The following SLC20A2 variants were observed in gnomAD, a reference collection of about 807,000 sequenced individuals.
SLC20A2 encodes the protein sodium-dependent phosphate transporter 2.
In SLC20A2, 30 loss-of-function variants were observed where a neutral mutation model predicts 61.0. The ratio of observed to expected loss-of-function variants is 0.49; its 90% CI spans 0.37 to 0.67. SLC20A2 has a LOEUF of 0.67. Among genes scored for constraint, SLC20A2 ranks in the 30% least tolerant of loss-of-function variants. The pLI, the probability that SLC20A2 is intolerant of heterozygous loss-of-function variation, is 0.00. For synonymous variants in SLC20A2, 351 were observed against 353.3 expected (o/e 0.99, Z 0.07); for missense variants, 626 against 866.4 (o/e 0.72, Z 3.48).
chr8:42,508,699 G>A (rs1420535658), intron 1 of SLC20A2, among the ~76,000 whole-genome samples: 1 of 152,112 alleles, frequency 6.6e-6, no homozygotes, highest in Admixed American at 6.6e-5. Context: ...CCTGGGAGTG[G>A]CATTTGAATG....
At chr8:42,426,343 C>A (rs898480100) in intron 10 of SLC20A2, among the ~76,000 whole-genome samples, 2 of 152,198 alleles carry the variant, frequency 1.3e-5, no homozygotes, top group African/African-American at 4.8e-5. Flanking sequence ...GATTAGACTG[C>A]TCATACAGTT....
intron 1 of SLC20A2, among the ~76,000 whole-genome samples, chr8:42,519,824 G>C (rs1421091258): frequency 2.0e-5 from 3 of 151,990 alleles, no homozygotes; most frequent in African/African-American, 7.3e-5. Flanking sequence ...AAGAATATTT[G>C]TAGCCTCACT....
At position 42,476,084 on chromosome 8, in the gene SLC20A2, C is replaced by CTTTT. The variant is rs11350697; in HGVS notation, c.-264-3434_-264-3431dup. On this transcript the variant is annotated intron_variant, in intron 1 of 10. Transcript: ENST00000520262. ...GGTGAAGTAGCCGGGTTTACTGTGT[C>CTTTT]TTTTTTTTTTTTTTTTTTTTTTTTT... is the stretch of plus-strand genomic sequence containing the variant. Among the ~76,000 whole-genome samples, 13 of 42,096 alleles carry CTTTT rather than the reference C, an allele frequency of 3.1e-4. 1 individual carries two copies. Among genetic ancestry groups the CTTTT allele is most frequent in the Admixed American group, 4.3e-4 (1 of 2,348 alleles). 27.6% of individuals were successfully genotyped at this position (42,096 alleles called of 152,430 possible).
rs1265706203 is a variant in SLC20A2, at chr8:42,472,622, C to T, written c.-232G>A. 2 of 473,926 alleles carry T rather than the reference C, an allele frequency of 4.2e-6. No homozygotes were observed. The highest frequency in any genetic ancestry group is 7.6e-6 in the Non-Finnish European group (2 of 264,736). 29.4% of individuals were successfully genotyped at this position (473,926 alleles called of 1,614,324 possible). ...GCGGTAAAACACATTCCATATTTTT[C>T]CTCCCGATCTGGGAAAGCTGTGATG... On this transcript the variant is annotated 5_prime_UTR_variant, in exon 2 of 11. Coordinates refer to ENST00000520262, the MANE Select transcript of SLC20A2 (RefSeq NM_001257180.2). The surrounding 1 kb of genome is among the most constrained non-coding windows in gnomAD (Gnocchi z 4.1).
upstream of SLC20A2, among the ~76,000 whole-genome samples, chr8:42,503,010 A>C (rs1810416856): frequency 6.6e-6 from 1 of 152,216 alleles, no homozygotes; most frequent in Non-Finnish European, 1.5e-5. Flanking sequence ...ATTGGAAAGG[A>C]GCAATCTGAT....
Position 42,527,063 on chromosome 8 carries a change from C to G in SLC20A2, c.-265+14758G>C, listed in dbSNP as rs1160099554. ...AGGCTGCAGTGAGCTGAGTTCGTACCACTGCACTCCAGCCTGAGTAACAGA... is the reference window on the plus strand; with the variant it reads ...AGGCTGCAGTGAGCTGAGTTCGTACGACTGCACTCCAGCCTGAGTAACAGA... On this transcript the variant is annotated intron_variant, in intron 1 of 10. Transcript: ENST00000342228. 2.9e-4 allele frequency among the ~76,000 whole-genome samples: 44 copies of G among 150,490 alleles called. No individual in the cohort carries two copies. The Admixed American group carries it at 2.9e-3, about 10-fold the overall frequency.
Position 42,474,806 on chromosome 8 carries a change from C to A in SLC20A2, c.-264-2152G>T, listed in dbSNP as rs568858907. On this transcript the variant is annotated intron_variant, in intron 1 of 10. Transcript: ENST00000520262. The stretch of plus-strand genomic sequence containing the variant: ...AATGTCTATAAACTGGTGACAAGAA[C>A]TATGCAGGCAGGAGACGGTGCCACA... Among the ~76,000 whole-genome samples the A allele has an allele frequency of 1.1e-3, 162 of 152,122 alleles. 1 individual carries two copies. The highest frequency in any genetic ancestry group is 7.9e-3 in the South Asian group (38 of 4,822).
intron 1 of SLC20A2, among the ~76,000 whole-genome samples, chr8:42,534,230 G>A (rs1018160995): frequency 9.9e-5 from 15 of 152,052 alleles, no homozygotes; most frequent in Admixed American, 7.9e-4. Flanking sequence ...AGTTAGCCGC[G>A]ATCGCATCAT....
intron 1 of SLC20A2, among the ~76,000 whole-genome samples, chr8:42,491,991 C>T (rs897661077): frequency 6.6e-6 from 1 of 152,176 alleles, no homozygotes; most frequent in Non-Finnish European, 1.5e-5. Context: ...GGGAACAGTA[C>T]TCTATTCATT....
At chr8:42,423,849 T>C (rs909087042) in intron 10 of SLC20A2, among the ~76,000 whole-genome samples, 1 of 152,238 alleles carries the variant, frequency 6.6e-6, no homozygotes, top group Non-Finnish European at 1.5e-5. Context: ...TTTTAATAAA[T>C]CGAGTGTGTT....
At chr8:42,540,153 G>A (rs1314437013) in intron 1 of SLC20A2, among the ~76,000 whole-genome samples, 2 of 152,148 alleles carry the variant, frequency 1.3e-5, no homozygotes, top group Admixed American at 6.5e-5. Context: ...TTAGCTGGGC[G>A]TGGTGGCGGG....
chr8:42,454,441 G>A (rs772003016), intron 5 of SLC20A2, among the ~76,000 whole-genome samples: 2 of 152,190 alleles, frequency 1.3e-5, no homozygotes, highest in East Asian at 1.9e-4. Context: ...AGTGTCCCTC[G>A]AACGGAGATG....
At chr8:42,486,897 C>T (rs140476732) in intron 1 of SLC20A2, among the ~76,000 whole-genome samples, 2,098 of 151,950 alleles carry the variant, frequency 0.014, 47 homozygotes, top group African/African-American at 0.044. Context: ...GACAGAGTCT[C>T]GCTCTGTTGC....
In SLC20A2 at chr8:42,463,109, A is replaced by C. The variant is rs779858691; in HGVS notation, c.431-19T>G. The C allele has an allele frequency of 7.1e-7, 1 of 1,403,534 alleles. No homozygotes were observed. The highest frequency in any genetic ancestry group is 2.1e-5 in the Admixed American group (1 of 47,426). The allele number at this position is 1,403,534 out of a possible 1,614,324, so 86.9% of individuals were successfully genotyped here. A position where few individuals can be genotyped will look rare whatever the true frequency, so the allele number is the denominator to read the frequency against. On this transcript the variant is annotated intron_variant, in intron 3 of 10. Transcript: ENST00000520262. ...GAAGCAACTGAATAATTAAAAAAAAAATCTAATGAATGTTAAAATTCATTC... is the reference window on the plus strand; with the variant it reads ...GAAGCAACTGAATAATTAAAAAAAACATCTAATGAATGTTAAAATTCATTC...
chr8:42,502,926 A>G (rs1810410571), upstream of SLC20A2, among the ~76,000 whole-genome samples: 2 of 152,256 alleles, frequency 1.3e-5, no homozygotes, highest in African/African-American at 4.8e-5. Context: ...TCTAAGCCAA[A>G]ATATTATTTC....
chr8:42,422,673 G>A (rs1487680773), intron 10 of SLC20A2, among the ~76,000 whole-genome samples: 1 of 151,990 alleles, frequency 6.6e-6, no homozygotes, highest in Non-Finnish European at 1.5e-5. Context: ...ATTATTTTTG[G>A]AGAACTCCCT....
chr8:42,430,357 T>C (rs376477774), intron 8 of SLC20A2, 108 bp from the exon 9 acceptor site: 6 of 939,872 alleles, frequency 6.4e-6, no homozygotes, highest in South Asian at 1.8e-5. Context: ...TCCACAGATA[T>C]GATGTTTTTC....
chr8:42,422,054 T>C (rs999209008), intron 10 of SLC20A2, among the ~76,000 whole-genome samples: 1 of 152,034 alleles, frequency 6.6e-6, no homozygotes, highest in Non-Finnish European at 1.5e-5. Context: ...GGTTCTTGTA[T>C]AGTATTGTTT....
chr8:42,447,406 G>T (rs1038015606), intron 5 of SLC20A2, among the ~76,000 whole-genome samples: 1 of 151,580 alleles, frequency 6.6e-6, no homozygotes, highest in Non-Finnish European at 1.5e-5. Context: ...GGCTGGGTGC[G>T]GTGGCTCATG....
Sources: gnomAD v4.1 joint callset for allele counts (sites outside exome capture counted in the v4.1 genomes callset) on GRCh38, gnomAD v4.1.1 for gene constraint, Gnocchi (gnomAD v3.1) non-coding constraint, MANE v1.5 for transcripts, NCBI Gene and HGNC (gene_info 2026-07-23, HGNC 2026-07-21) for gene names.